The following TKTL1 variants were observed in gnomAD, a reference collection of about 807,000 sequenced individuals.
TKTL1 encodes the protein transketolase like 1.
A neutral mutation model predicts 39.3 loss-of-function variants in TKTL1; 1 was observed. The observed-to-expected ratio is 0.03, with a 90% CI of 0.01 to 0.12. The LOEUF (loss-of-function observed/expected upper bound fraction) is 0.12, where lower values mean the gene tolerates loss of function less well. TKTL1 is among the 10% of genes least tolerant of loss of function. The pLI is 1.00. For synonymous variants in TKTL1, 262 were observed against 193.8 expected, an observed-to-expected ratio of 1.35 and a Z score of -2.92; for missense variants, 575 against 509.6, an observed-to-expected ratio of 1.13 and a Z score of -1.24.
chrX:154,311,585 C>T (rs781894798), intron 5 of TKTL1, among the ~76,000 whole-genome samples: 4 of 110,859 alleles, frequency 3.6e-5, no homozygotes, highest in African/African-American at 9.8e-5. Flanking sequence ...AGAGTGCATA[C>T]CTACACACGT....
At position 154,320,844 on chromosome X, in the gene TKTL1, C is replaced by G. The variant is rs1273933181; in HGVS notation, c.1117C>G (p.His373Asp). ...FAAFLTRAFD[H>D]IRIGGLAESN... ...TGCCTTTCTGACTCGAGCATTTGAT[C>G]ACATCCGGATAGGAGGCCTCGCTGA... is the stretch of plus-strand genomic sequence containing the variant. Residue 373 changes from histidine (H) to aspartate (D), a missense_variant, in exon 8 of 13, where the codon CAC (histidine) becomes GAC (aspartate). Coordinates refer to ENST00000369915, the MANE Select transcript of TKTL1 (RefSeq NM_012253.4). 5.0e-6 allele frequency: 6 copies of G among 1,209,326 alleles called. No homozygotes were observed. Among genetic ancestry groups the G allele is most frequent in the South Asian group, 1.8e-5 (1 of 56,787 alleles).
intron 9 of TKTL1, among the ~76,000 whole-genome samples, chrX:154,324,688 T>C (rs997659771): frequency 9.0e-6 from 1 of 111,198 alleles, no homozygotes; most frequent in East Asian, 2.8e-4. Context: ...GGGCTGAACT[T>C]AGGATGTATG....
At position 154,320,768 on chromosome X, in the gene TKTL1, T is replaced by C. The variant is rs782457740; in HGVS notation, c.1041T>C (p.Ala347=). The C allele has an allele frequency of 3.3e-6, 4 of 1,209,936 alleles. No individual in the cohort carries two copies. The South Asian group carries it at 7.0e-5, about 21-fold the overall frequency. ...FMAEQNMVSV[A]LGCASRGRTI... ...TCTCTGTGCTGCAGGTGAGCGTGGC[T>C]CTGGGCTGTGCCTCCCGTGGACGGA... Residue 347 remains alanine, a synonymous_variant, in exon 8 of 13, where the codon GCT becomes GCC. Coordinates refer to ENST00000369915, the MANE Select transcript of TKTL1 (RefSeq NM_012253.4).
intron 3 of TKTL1, 120 bp downstream of exon 3, chrX:154,309,562 C>G: frequency 1.6e-6 from 1 of 610,972 alleles, no homozygotes; most frequent in Non-Finnish European, 2.6e-6. Context: ...GTCCCCATCA[C>G]ATCCCGTGGT....
chrX:154,324,468 T>A (rs1296719261), intron 9 of TKTL1, among the ~76,000 whole-genome samples: 1 of 112,395 alleles, frequency 8.9e-6, no homozygotes, highest in Non-Finnish European at 1.9e-5. Context: ...TTAGTTTATC[T>A]TGGAGATTGT....
chrX:154,314,923 G>A (rs928044512), intron 6 of TKTL1, among the ~76,000 whole-genome samples: 2 of 110,837 alleles, frequency 1.8e-5, no homozygotes, highest in Admixed American at 9.7e-5. Flanking sequence ...TTGGGGGAGC[G>A]GGGGATGTTA....
At chrX:154,301,278 G>C (rs1415670290) in intron 1 of TKTL1, among the ~76,000 whole-genome samples, 1 of 110,092 alleles carries the variant, frequency 9.1e-6, no homozygotes, top group Non-Finnish European at 1.9e-5. Context: ...CACTTTGGGA[G>C]GCTGAGGTGG....
rs782383617 is a variant in TKTL1, at chrX:154,309,447, G to T, written c.350+5G>T. The T allele has an allele frequency of 8.3e-7, 1 of 1,199,590 alleles. No homozygotes were observed. The highest frequency in any genetic ancestry group is 2.2e-5 in the Admixed American group (1 of 45,919). Reference sequence around the variant, plus strand: ...CAAGTACTTCGACAGGGCCAGGTGAGGTTCTTCCCCAGAAGCCATTTAACT... The same window carrying T: ...CAAGTACTTCGACAGGGCCAGGTGATGTTCTTCCCCAGAAGCCATTTAACT... On this transcript the variant is annotated splice_donor_5th_base_variant and intron_variant, in intron 3 of 12. Transcript: ENST00000369915.
intron 7 of TKTL1, among the ~76,000 whole-genome samples, chrX:154,318,482 G>A (rs112883600): frequency 5.6e-5 from 6 of 106,285 alleles, no homozygotes; most frequent in East Asian, 5.9e-4. Flanking sequence ...GACGGATCAC[G>A]AGGTCAGGAG....
chrX:154,307,943 G>A (rs934893476), intron 2 of TKTL1, among the ~76,000 whole-genome samples: 2 of 111,689 alleles, frequency 1.8e-5, no homozygotes, highest in Non-Finnish European at 3.8e-5. Context: ...AGAATTCCGG[G>A]GAAGGTCAAG....
chrX:154,317,196 G>T (rs149148011), intron 7 of TKTL1, among the ~76,000 whole-genome samples: 6 of 112,143 alleles, frequency 5.4e-5, no homozygotes, highest in Non-Finnish European at 9.4e-5. Flanking sequence ...AGTCTACTCC[G>T]TCCCTGCTGA....
At chrX:154,314,039 T>A (rs1334707086) in intron 6 of TKTL1, among the ~76,000 whole-genome samples, 1 of 110,714 alleles carries the variant, frequency 9.0e-6, no homozygotes, top group African/African-American at 3.3e-5. Flanking sequence ...ACATAAAATA[T>A]CAAAATTGAC....
In TKTL1 at chrX:154,305,428, C is replaced by A; in HGVS notation, c.252+7C>A. 8.3e-7 allele frequency: 1 copy of A among 1,204,629 alleles called. No homozygotes were observed. Among genetic ancestry groups the A allele is most frequent in the Non-Finnish European group, 1.1e-6 (1 of 890,759 alleles). ...CCGATTTGTCCTCGCAAAGGTATGC[C>A]GGTGGGGAGCCCAGGGCTGCTGTGG... On this transcript the variant is annotated splice_region_variant and intron_variant, in intron 2 of 12. Transcript: ENST00000369915.
intron 1 of TKTL1, among the ~76,000 whole-genome samples, chrX:154,296,841 A>C (rs782506844): frequency 9.0e-6 from 1 of 111,646 alleles, no homozygotes; most frequent in South Asian, 3.7e-4. Flanking sequence ...CAAGATGGCG[A>C]ACCTCTGTAC....
At chrX:154,301,303 G>A (rs188409708) in intron 1 of TKTL1, among the ~76,000 whole-genome samples, 144 of 109,915 alleles carry the variant, frequency 1.3e-3, no homozygotes, top group African/African-American at 4.6e-3. Context: ...GATCACCTGA[G>A]GTCAGGAGTT....
chrX:154,300,683 G>A (rs891682196), intron 1 of TKTL1, among the ~76,000 whole-genome samples: 3 of 110,153 alleles, frequency 2.7e-5, no homozygotes, highest in African/African-American at 1.0e-4. Context: ...GAGTCTTTAG[G>A]ATTTTGTTTG....
At chrX:154,301,417 C>T (rs1332871681) in intron 1 of TKTL1, among the ~76,000 whole-genome samples, 2 of 110,370 alleles carry the variant, frequency 1.8e-5, no homozygotes, top group Non-Finnish European at 3.8e-5. Context: ...CTTGGGAGGC[C>T]GAGGCAGGAA....
At chrX:154,326,686 C>T (rs1259287535) in intron 10 of TKTL1, among the ~76,000 whole-genome samples, 2 of 112,755 alleles carry the variant, frequency 1.8e-5, no homozygotes, top group African/African-American at 6.4e-5. Context: ...GGGAGGGTCT[C>T]TTGACATTCA....
At chrX:154,329,134 C>T (rs2067517859) in intron 12 of TKTL1, among the ~76,000 whole-genome samples, 1 of 112,456 alleles carries the variant, frequency 8.9e-6, no homozygotes, top group Non-Finnish European at 1.9e-5. Context: ...TGCATGACCG[C>T]CCTGTCTAGT....
Sources: gnomAD v4.1 joint callset for allele counts (sites outside exome capture counted in the v4.1 genomes callset) on GRCh38, gnomAD v4.1.1 for gene constraint, MANE v1.5 for transcripts, NCBI Gene and HGNC (gene_info 2026-07-23, HGNC 2026-07-21) for gene names.